MAP2K6: variants seen among roughly 807,000 people sequenced by gnomAD.
MAP2K6 encodes mitogen-activated protein kinase kinase 6.
MAP2K6 carries 16 observed loss-of-function variants against 53.7 expected under a neutral mutation model. The ratio of observed to expected loss-of-function variants is 0.30; its 90% CI spans 0.20 to 0.45. MAP2K6 has a LOEUF of 0.45. Ranked by LOEUF, MAP2K6 falls within the 20% of genes least tolerant of loss-of-function variation. The pLI, the probability that MAP2K6 is intolerant of heterozygous loss-of-function variation, is 1.00. For synonymous variants in MAP2K6, 132 were observed against 143.1 expected, an observed-to-expected ratio of 0.92 and a Z score of 0.55; for missense variants, 204 against 411.9, an observed-to-expected ratio of 0.50 and a Z score of 4.37.
At chr17:69,512,916 T>C (rs1356087893) in intron 2 of MAP2K6, among the ~76,000 whole-genome samples, 1 of 152,180 alleles carries the variant, frequency 6.6e-6, no homozygotes, top group African/African-American at 2.4e-5. Context: ...TGAATAATTA[T>C]CATACTAAAC....
chr17:69,504,171 C>T, intron 1 of MAP2K6, among the ~76,000 whole-genome samples: 1 of 150,808 alleles, frequency 6.6e-6, no homozygotes, highest in Non-Finnish European at 1.5e-5. Flanking sequence ...GTTTAAGTTT[C>T]TTTGCAGCTT....
chr17:69,535,705 A>G (rs1418471382), intron 10 of MAP2K6, among the ~76,000 whole-genome samples: 1 of 152,246 alleles, frequency 6.6e-6, no homozygotes, highest in East Asian at 1.9e-4. Flanking sequence ...AAAAAGAACC[A>G]GGTACCTGAC....
At chr17:69,460,381 C>A (rs1907584352) in intron 1 of MAP2K6, among the ~76,000 whole-genome samples, 1 of 152,124 alleles carries the variant, frequency 6.6e-6, no homozygotes, top group South Asian at 2.1e-4. Context: ...GATACATGAG[C>A]AAGACCCGGA....
chr17:69,437,364 G>A (rs551192041), intron 1 of MAP2K6, among the ~76,000 whole-genome samples: 3 of 152,148 alleles, frequency 2.0e-5, no homozygotes, highest in African/African-American at 7.2e-5. Flanking sequence ...CATCCTCATC[G>A]TCTTCACATT....
rs552271931 is a variant in MAP2K6, at chr17:69,529,753, G to T, written c.881+3044G>T. Among the ~76,000 whole-genome samples, 214 of 151,990 alleles carry T rather than the reference G, an allele frequency of 1.4e-3. 1 individual carries two copies. The highest frequency in any genetic ancestry group is 5.0e-3 in the African/African-American group (208 of 41,476). On this transcript the variant is annotated intron_variant, in intron 10 of 11. Transcript: ENST00000590474. ...TCTCGATCTCCTGACCTCGTGATCT[G>T]CCCCGCCTCAGCCTCCCAAAGTGCT...
At chr17:69,530,904 G>A (rs1911049837) in intron 10 of MAP2K6, among the ~76,000 whole-genome samples, 1 of 152,110 alleles carries the variant, frequency 6.6e-6, no homozygotes, top group South Asian at 2.1e-4. Flanking sequence ...GAGCTTGGTG[G>A]AAAGAATGGA....
At chr17:69,435,956 C>T (rs1460097335) in intron 1 of MAP2K6, among the ~76,000 whole-genome samples, 1 of 151,914 alleles carries the variant, frequency 6.6e-6, no homozygotes, top group Non-Finnish European at 1.5e-5. Context: ...GCGTGAGCCA[C>T]TGTGCCCAGC....
intron 1 of MAP2K6, among the ~76,000 whole-genome samples, chr17:69,466,655 C>A (rs1004718583): frequency 6.6e-6 from 1 of 152,216 alleles, no homozygotes; most frequent in African/African-American, 2.4e-5. Context: ...GCCGGGAAAT[C>A]CCGTGGCATT....
intron 1 of MAP2K6, among the ~76,000 whole-genome samples, chr17:69,497,612 A>G (rs145016242): frequency 3.7e-3 from 570 of 152,256 alleles, no homozygotes; most frequent in Non-Finnish European, 6.2e-3. Flanking sequence ...GAAATTTAAA[A>G]TATATTTGTT....
At position 69,550,137 on chromosome 17, in the gene MAP2K6, A is replaced by C. The variant is rs1912035043; in HGVS notation, c.*8384A>C. ...TTCAGAGAGTGGCATTAATTTGGGC[A>C]TCAGAACATTTTCTTTTGTATCCCT... On this transcript the variant is annotated 3_prime_UTR_variant, in exon 12 of 12. Coordinates refer to ENST00000590474, the MANE Select transcript of MAP2K6 (RefSeq NM_002758.4). 1 of 152,220 alleles carries C rather than the reference A, an allele frequency of 6.6e-6. No homozygotes were observed. Among genetic ancestry groups the C allele is most frequent in the African/African-American group, 2.4e-5 (1 of 41,458 alleles). 9.4% of individuals were successfully genotyped at this position (152,220 alleles called of 1,614,324 possible).
At chr17:69,539,154 C>A (rs1042252225) in intron 11 of MAP2K6, among the ~76,000 whole-genome samples, 1 of 152,172 alleles carries the variant, frequency 6.6e-6, no homozygotes, top group African/African-American at 2.4e-5. Flanking sequence ...AACAAAGATG[C>A]CTGACCCATT....
At chr17:69,502,835 C>G (rs1039188217) in intron 1 of MAP2K6, 2 of 393,032 alleles carry the variant, frequency 5.1e-6, no homozygotes, top group African/African-American at 4.4e-5. Context: ...AAAACTTTCT[C>G]TCTTTTTTAC....
At chr17:69,541,334 G>T (rs75389780) in intron 11 of MAP2K6, among the ~76,000 whole-genome samples, 1 of 152,140 alleles carries the variant, frequency 6.6e-6, no homozygotes, top group Non-Finnish European at 1.5e-5. Flanking sequence ...AAATGACCTT[G>T]TGGGGCCCAG....
Position 69,551,056 on chromosome 17 carries a change from A to G in MAP2K6, c.*9303A>G, listed in dbSNP as rs1405251406. ...ACAGCCATGCATTATAGATCCTTAC[A>G]TGCGACATTTTCCTAAAGTGGTTGA... On this transcript the variant is annotated 3_prime_UTR_variant, in exon 12 of 12. Coordinates refer to ENST00000590474, the MANE Select transcript of MAP2K6 (RefSeq NM_002758.4). The G allele has an allele frequency of 1.3e-5, 2 of 152,334 alleles. No individual in the cohort carries two copies. Among genetic ancestry groups the G allele is most frequent in the East Asian group, 1.9e-4 (1 of 5,190 alleles). The allele number at this position is 152,334 out of a possible 1,614,324, so 9.4% of individuals were successfully genotyped here. A position where few individuals can be genotyped will look rare whatever the true frequency, so the allele number is the denominator to read the frequency against.
chr17:69,423,529 G>A (rs1906165528), intron 1 of MAP2K6, among the ~76,000 whole-genome samples: 1 of 152,130 alleles, frequency 6.6e-6, no homozygotes, highest in South Asian at 2.1e-4. Context: ...TCATGACAGA[G>A]CTCCCAGAAA....
Position 69,553,856 on chromosome 17 carries a change from A to G in MAP2K6, c.*12103A>G, listed in dbSNP as rs903902907. On this transcript the variant is annotated 3_prime_UTR_variant, in exon 12 of 12. Coordinates refer to ENST00000590474, the MANE Select transcript of MAP2K6 (RefSeq NM_002758.4). ...ATGTACAACCAATAAAAGACATTTT[A>G]AAAAGCGTAGTGAGTCTGTACATTA... The G allele has an allele frequency of 3.3e-4, 50 of 152,242 alleles. No individual in the cohort carries two copies. Among genetic ancestry groups the G allele is most frequent in the African/African-American group, 1.2e-3 (49 of 41,460 alleles). 9.4% of individuals were successfully genotyped at this position (152,242 alleles called of 1,614,324 possible). A position where few individuals can be genotyped will look rare whatever the true frequency, so the allele number is the denominator to read the frequency against.
chr17:69,500,901 T>G (rs1188278908), intron 1 of MAP2K6, among the ~76,000 whole-genome samples: 1 of 152,242 alleles, frequency 6.6e-6, no homozygotes, highest in Non-Finnish European at 1.5e-5. Flanking sequence ...GCAGAGTCCC[T>G]GTTCACTTTT....
intron 1 of MAP2K6, among the ~76,000 whole-genome samples, chr17:69,423,541 A>T (rs536655828): frequency 1.3e-5 from 2 of 152,286 alleles, no homozygotes; most frequent in East Asian, 3.9e-4. Flanking sequence ...TCCCAGAAAC[A>T]TTCCTCTCTG....
At chr17:69,435,093 A>C (rs1906593495) in intron 1 of MAP2K6, 1 of 152,242 alleles carries the variant, frequency 6.6e-6, no homozygotes, top group African/African-American at 2.4e-5. Context: ...AGCTTGAAAA[A>C]ATAAATGACT....
Sources: allele counts gnomAD v4.1 joint callset (sites outside exome capture counted in the v4.1 genomes callset), GRCh38; gene constraint gnomAD v4.1.1; transcripts MANE v1.5; gene names NCBI Gene and HGNC (gene_info 2026-07-23, HGNC 2026-07-21).